C1QTNF3: variants seen among roughly 807,000 people sequenced by gnomAD.
C1QTNF3 encodes the protein complement C1q tumor necrosis factor-related protein 3.
A neutral mutation model predicts 32.6 loss-of-function variants in C1QTNF3; 26 were observed. The observed-to-expected ratio is 0.80, with a 90% CI of 0.58 to 1.11. The LOEUF is 1.11. Among genes scored for constraint, C1QTNF3 ranks in the 50% least tolerant of loss-of-function variants. The pLI is 0.00. For synonymous variants in C1QTNF3, 155 were observed against 146.0 expected (o/e 1.06, Z -0.44); for missense variants, 362 against 398.2 (o/e 0.91, Z 0.77).
the C1QTNF3 span, among the ~76,000 whole-genome samples, chr5:34,083,483 C>G: frequency 6.9e-6 from 1 of 145,648 alleles, no homozygotes; most frequent in African/African-American, 2.7e-5. Flanking sequence ...TGTAATCTTA[C>G]CTTGATTTAT....
chr5:34,237,634 C>T, the C1QTNF3 span, among the ~76,000 whole-genome samples: 1 of 151,888 alleles, frequency 6.6e-6, no homozygotes, highest in Admixed American at 6.6e-5. Flanking sequence ...TGGAGTAAAC[C>T]ACCATAATTT....
At chr5:34,065,015 A>C in the C1QTNF3 span, among the ~76,000 whole-genome samples, 1 of 152,202 alleles carries the variant, frequency 6.6e-6, no homozygotes, top group African/African-American at 2.4e-5. Flanking sequence ...CTCCAAAAGC[A>C]ATTGCAACAA....
chr5:34,031,144 T>G (rs1353604502), intron 3 of C1QTNF3, among the ~76,000 whole-genome samples: 1 of 152,154 alleles, frequency 6.6e-6, no homozygotes, highest in African/African-American at 2.4e-5. Flanking sequence ...CATTGAAGAA[T>G]GAGCTGTGAA....
chr5:34,113,892 G>T, the C1QTNF3 span, among the ~76,000 whole-genome samples: 1 of 152,174 alleles, frequency 6.6e-6, no homozygotes, highest in Non-Finnish European at 1.5e-5. Flanking sequence ...TAAAATGAGA[G>T]CATCCAAATC....
intron 4 of C1QTNF3, among the ~76,000 whole-genome samples, chr5:34,028,117 C>T (rs1006942212): frequency 7.9e-5 from 12 of 152,232 alleles, no homozygotes; most frequent in African/African-American, 2.4e-4. Context: ...GGACTACAGG[C>T]GCCCGCCACC....
chr5:34,025,864 C>T (rs533376845), intron 4 of C1QTNF3, among the ~76,000 whole-genome samples: 8 of 152,280 alleles, frequency 5.3e-5, no homozygotes, highest in African/African-American at 1.9e-4. Flanking sequence ...ATGACATAAA[C>T]CTTCAGAGCA....
At chr5:34,171,215 C>G in the C1QTNF3 span, among the ~76,000 whole-genome samples, 1 of 151,850 alleles carries the variant, frequency 6.6e-6, no homozygotes, top group African/African-American at 2.4e-5. Flanking sequence ...TTCAGGGTTT[C>G]CACCGAGATA....
chr5:34,132,383 TCAA>T, the C1QTNF3 span, among the ~76,000 whole-genome samples: 2 of 149,894 alleles, frequency 1.3e-5, no homozygotes, highest in African/African-American at 4.9e-5. Context: ...AGACTCCATT[TCAA>T]CAACAACAAC....
the C1QTNF3 span, among the ~76,000 whole-genome samples, chr5:34,195,298 T>G: frequency 2.7e-5 from 4 of 145,622 alleles, no homozygotes; most frequent in East Asian, 8.4e-4. Context: ...TGTAATCATC[T>G]CCATCTGGTA....
chr5:34,066,067 T>C, the C1QTNF3 span, among the ~76,000 whole-genome samples: 956 of 152,332 alleles, frequency 6.3e-3, 9 homozygotes, highest in African/African-American at 0.022. Context: ...CCTTACCAGC[T>C]GAATTTTCCT....
the C1QTNF3 span, among the ~76,000 whole-genome samples, chr5:34,110,178 C>G: frequency 4.6e-5 from 7 of 152,120 alleles, no homozygotes; most frequent in Non-Finnish European, 7.3e-5. Flanking sequence ...TCCAGCAGAT[C>G]CGACAAAAGA....
At chr5:34,125,713 G>A in the C1QTNF3 span, among the ~76,000 whole-genome samples, 5 of 152,108 alleles carry the variant, frequency 3.3e-5, no homozygotes, top group African/African-American at 1.2e-4. Flanking sequence ...TTAATGACAT[G>A]AAATATTCAA....
At chr5:34,071,013 G>C in the C1QTNF3 span, among the ~76,000 whole-genome samples, 1 of 152,040 alleles carries the variant, frequency 6.6e-6, no homozygotes, top group Non-Finnish European at 1.5e-5. Flanking sequence ...ATGAAATTGT[G>C]GATATTCAAT....
At chr5:34,107,668 A>G in the C1QTNF3 span, among the ~76,000 whole-genome samples, 13 of 152,138 alleles carry the variant, frequency 8.5e-5, no homozygotes, top group South Asian at 1.0e-3. Context: ...ACAGCATAAA[A>G]AGAGAGAATG....
chr5:34,148,764 A>T, the C1QTNF3 span, among the ~76,000 whole-genome samples: 1 of 110,474 alleles, frequency 9.1e-6, no homozygotes, highest in African/African-American at 3.6e-5. Flanking sequence ...GAAAAAACAG[A>T]ACAGAAAAAC....
chr5:34,120,049 T>G, the C1QTNF3 span, among the ~76,000 whole-genome samples: 2 of 152,186 alleles, frequency 1.3e-5, no homozygotes, highest in Admixed American at 6.5e-5. Flanking sequence ...TTGATTAAAC[T>G]TGAGGAATGG....
the C1QTNF3 span, chr5:34,175,799 C>T: frequency 1.3e-6 from 1 of 741,096 alleles, no homozygotes; most frequent in East Asian, 2.5e-5. Flanking sequence ...GTACATTATC[C>T]CATGCGCTAA....
intron 5 of C1QTNF3, among the ~76,000 whole-genome samples, chr5:34,022,427 G>C (rs1339103775): frequency 2.6e-5 from 4 of 152,142 alleles, no homozygotes; most frequent in African/African-American, 9.7e-5. Flanking sequence ...ACAGAACCAG[G>C]AGCCAAAGAG....
the C1QTNF3 span, among the ~76,000 whole-genome samples, chr5:34,214,146 A>T: frequency 6.6e-6 from 1 of 151,952 alleles, no homozygotes; most frequent in Non-Finnish European, 1.5e-5. Flanking sequence ...TTAACTTTTA[A>T]AATCAACCAC....
Sources: gnomAD v4.1 joint callset for allele counts (sites outside exome capture counted in the v4.1 genomes callset) on GRCh38, gnomAD v4.1.1 for gene constraint, MANE v1.5 for transcripts, NCBI Gene and HGNC (gene_info 2026-07-23, HGNC 2026-07-21) for gene names.